NSD2: variants seen among roughly 807,000 people sequenced by gnomAD.
The protein encoded by NSD2 is nuclear receptor binding SET domain protein 2.
NSD2 carries 12 observed loss-of-function variants against 139.0 expected under a neutral mutation model. The ratio of observed to expected loss-of-function variants is 0.09; its 90% CI spans 0.06 to 0.14. The LOEUF is 0.14. NSD2 is among the 10% of genes least tolerant of loss of function. NSD2 has a pLI of 1.00. For missense variants in NSD2, 1,155 were observed against 1,745.0 expected (o/e 0.66, Z 6.02); for synonymous variants, 669 against 648.7 (o/e 1.03, Z -0.48).
At chr4:1,969,378 T>G (rs1384690539) in intron 18 of NSD2, among the ~76,000 whole-genome samples, 6 of 152,096 alleles carry the variant, frequency 3.9e-5, no homozygotes, top group Admixed American at 3.3e-4. Flanking sequence ...GAAATCCGAC[T>G]TCTTCAGAAA....
At chr4:1,932,904 C>T (rs534078989) in intron 6 of NSD2, among the ~76,000 whole-genome samples, 6 of 152,336 alleles carry the variant, frequency 3.9e-5, no homozygotes, top group South Asian at 2.1e-4. Context: ...AAGCGAGGCG[C>T]GGGGCTGGCT....
rs560080782 is a variant in NSD2, at chr4:1,958,252, G to T, written c.2985+216G>T. On this transcript the variant is annotated intron_variant, in intron 16 of 21. Coordinates refer to ENST00000508803, the MANE Select transcript of NSD2 (RefSeq NM_001042424.3). The surrounding 1 kb of genome is among the most constrained non-coding windows in gnomAD (Gnocchi z 4.6). ...GATCCGCCTTGGAGTGTGAGGCTTGGCTTGGTAGCTTAGAGAAGGGTTGGG... is the reference window on the plus strand; with the variant it reads ...GATCCGCCTTGGAGTGTGAGGCTTGTCTTGGTAGCTTAGAGAAGGGTTGGG... Among the ~76,000 whole-genome samples the T allele has an allele frequency of 6.6e-5, 10 of 152,214 alleles. No individual in the cohort carries two copies. The highest frequency in any genetic ancestry group is 1.5e-4 in the Non-Finnish European group (10 of 68,028).
At chr4:1,919,154 C>T (rs1046547583) in intron 5 of NSD2, 3 of 133,628 alleles carry the variant, frequency 2.2e-5, no homozygotes, top group Non-Finnish European at 4.6e-5. Context: ...GACAGCAGAG[C>T]GAGACTGTGT....
chr4:1,875,139 T>C (rs1055330675), intron 1 of NSD2, among the ~76,000 whole-genome samples: 4 of 151,864 alleles, frequency 2.6e-5, no homozygotes, highest in Non-Finnish European at 5.9e-5. Context: ...TTTTAAAATT[T>C]TTTATGGAGT....
rs1480854324 is a variant in NSD2 at position 1,979,984 on chromosome 4, T to G, written c.*1075T>G. 4.3e-6 allele frequency: 1 copy of G among 232,680 alleles called. No homozygotes were observed. Among genetic ancestry groups the G allele is most frequent in the Non-Finnish European group, 8.5e-6 (1 of 117,742 alleles). The allele number at this position is 232,680 out of a possible 1,614,324, so 14.4% of individuals were successfully genotyped here. A position where few individuals can be genotyped will look rare whatever the true frequency, so the allele number is the denominator to read the frequency against. On this transcript the variant is annotated 3_prime_UTR_variant, in exon 22 of 22. Transcript: ENST00000508803. ...AAAGAGAGACGGAGTCTAGCTCTCC[T>G]GCCACCCAGAGTGGCTTCCATCTCA...
At position 1,976,482 on chromosome 4, in the gene NSD2, C is replaced by T. The variant is rs756992765; in HGVS notation, c.3629C>T (p.Thr1210Met). The T allele has an allele frequency of 1.3e-5, 21 of 1,613,300 alleles. No individual in the cohort carries two copies. The highest frequency in any genetic ancestry group is 6.7e-5 in the Admixed American group (4 of 59,824). ...GFLGDRPKTS[T>M]TLSSEEKGKK... is the part of the protein sequence containing the mutation. Reference sequence around the variant, plus strand: ...CTTAATTCTTGACTCTAGACCTCGACGACCCTTTCATCAGAGGAAAAGGGC... The same window carrying T: ...CTTAATTCTTGACTCTAGACCTCGATGACCCTTTCATCAGAGGAAAAGGGC... The change falls in exon 21 of 22, where the codon ACG becomes ATG. Residue 1210 changes from threonine (T) to methionine (M), a missense_variant. By Grantham distance (81) the Thr-to-Met change is moderately conservative. Coordinates refer to ENST00000508803, the MANE Select transcript of NSD2 (RefSeq NM_001042424.3). This position sits in a 1 kb window ranked among gnomAD's most constrained non-coding sequence, Gnocchi z 5.3.
At chr4:1,879,196 A>G (rs1352386699) in intron 1 of NSD2, among the ~76,000 whole-genome samples, 1 of 152,072 alleles carries the variant, frequency 6.6e-6, no homozygotes, top group Non-Finnish European at 1.5e-5. Context: ...TATATACAAC[A>G]CTTTTTAAAA....
chr4:1,975,008 C>G lies in NSD2; in HGVS notation c.3514+4C>G, dbSNP rs374502404. ...GCCGTCTGTGACATTCCTGCAGGTA[C>G]AAGCTCTGGGGACCCTGCATGGGGC... On this transcript the variant is annotated splice_donor_region_variant and intron_variant, in intron 19 of 21. Transcript: ENST00000508803. The G allele has an allele frequency of 1.9e-6, 3 of 1,614,112 alleles. No homozygotes were observed. Among genetic ancestry groups the G allele is most frequent in the South Asian group, 2.2e-5 (2 of 91,086 alleles).
intron 5 of NSD2, among the ~76,000 whole-genome samples, chr4:1,921,207 C>A (rs950047749): frequency 6.6e-6 from 1 of 152,216 alleles, no homozygotes; most frequent in Non-Finnish European, 1.5e-5. Flanking sequence ...CCTGTAATCC[C>A]AGCACTTGGG....
intron 5 of NSD2, among the ~76,000 whole-genome samples, chr4:1,929,497 C>T (rs549812106): frequency 2.2e-4 from 34 of 152,260 alleles, no homozygotes; most frequent in African/African-American, 6.5e-4. Flanking sequence ...TGGTTGGTGC[C>T]GAGCCAGTCA....
In NSD2 at chr4:1,978,840, A is replaced by G. The variant is rs757473217; in HGVS notation, c.4029A>G (p.Pro1343=). The G allele has an allele frequency of 3.5e-5, 56 of 1,601,224 alleles. 1 individual carries two copies. The South Asian group carries it at 6.2e-4, about 18-fold the overall frequency. ...VRSTKTEKPP[P]EPGKPKGKRR... ...GCACCAAGACTGAGAAGCCCCCCCC[A>G]GAGCCAGGGAAGCCGAAGGGGAAGA... Residue 1343 remains proline (P), a synonymous_variant, in exon 22 of 22, where the codon CCA becomes CCG. Coordinates refer to ENST00000508803, the MANE Select transcript of NSD2 (RefSeq NM_001042424.3).
At chr4:1,937,962 A>G (rs142740424) in intron 7 of NSD2, among the ~76,000 whole-genome samples, 1 of 152,236 alleles carries the variant, frequency 6.6e-6, no homozygotes, top group African/African-American at 2.4e-5. Flanking sequence ...GGAAATCCTC[A>G]GTATAGTGAT....
At chr4:1,872,201 G>T (rs1387396062) in intron 1 of NSD2, among the ~76,000 whole-genome samples, 1 of 152,134 alleles carries the variant, frequency 6.6e-6, no homozygotes, top group Non-Finnish European at 1.5e-5. Flanking sequence ...GGAGGCGGGG[G>T]TGAGCCGGGT....
Position 1,976,604 on chromosome 4 carries a change from C to T in NSD2, c.3751C>T (p.Leu1251=). 1 of 1,610,834 alleles carries T rather than the reference C, an allele frequency of 6.2e-7. No individual in the cohort carries two copies. Among genetic ancestry groups the T allele is most frequent in the Non-Finnish European group, 8.5e-7 (1 of 1,178,604 alleles). ...ECFRCGDGGQ[L]VLCDRKFCTK... is the part of the protein sequence containing the mutation. ...CTTCCGCTGCGGTGATGGCGGGCAGCTGGTGCTGTGTGACCGCAAGTTCTG... is the reference window on the plus strand; with the variant it reads ...CTTCCGCTGCGGTGATGGCGGGCAGTTGGTGCTGTGTGACCGCAAGTTCTG... Residue 1251 remains leucine, a synonymous_variant, in exon 21 of 22, where the codon CTG becomes TTG. Coordinates refer to ENST00000508803, the MANE Select transcript of NSD2 (RefSeq NM_001042424.3). The surrounding 1 kb of genome is among the most constrained non-coding windows in gnomAD (Gnocchi z 5.3).
At chr4:1,885,829 C>T (rs1560556422) in intron 1 of NSD2, among the ~76,000 whole-genome samples, 1 of 152,040 alleles carries the variant, frequency 6.6e-6, no homozygotes, top group Non-Finnish European at 1.5e-5. Flanking sequence ...GGACAAGTTC[C>T]AGGCGCAGGA....
chr4:1,897,455 C>T (rs1716510184), intron 1 of NSD2, among the ~76,000 whole-genome samples: 1 of 151,874 alleles, frequency 6.6e-6, no homozygotes, highest in African/African-American at 2.4e-5. Context: ...CATTGCCCTG[C>T]ACTCCAGCTT....
At chr4:1,872,437 G>T (rs1470505938) in intron 1 of NSD2, among the ~76,000 whole-genome samples, 1 of 152,140 alleles carries the variant, frequency 6.6e-6, no homozygotes, top group Non-Finnish European at 1.5e-5. Flanking sequence ...ATGGATGAGG[G>T]TATTGTATAG....
intron 6 of NSD2, among the ~76,000 whole-genome samples, chr4:1,934,878 A>AATATATATATATATATAT (rs1161633448): frequency 2.8e-3 from 61 of 22,042 alleles, no homozygotes; most frequent in African/African-American, 4.1e-3. Context: ...AAAAAAAAAA[A>AATATATATATATATATAT]ATATATATAT....
At chr4:1,916,817 A>G (rs1193593797) in intron 3 of NSD2, 54 bp from the exon 4 acceptor site, 2 of 1,546,016 alleles carry the variant, frequency 1.3e-6, no homozygotes, top group African/African-American at 2.8e-5. Context: ...AGATTTGACT[A>G]GTTTCATCCC....
Sources: allele counts gnomAD v4.1 joint callset (sites outside exome capture counted in the v4.1 genomes callset), GRCh38; gene constraint gnomAD v4.1.1; non-coding constraint Gnocchi (gnomAD v3.1); transcripts MANE v1.5; gene names NCBI Gene and HGNC (gene_info 2026-07-23, HGNC 2026-07-21).